The following CDH11 variants were observed in gnomAD, a reference collection of about 807,000 sequenced individuals.
CDH11 encodes the protein cadherin-11.
Under a neutral mutation model 67.8 loss-of-function variants are expected in CDH11, and 11 were observed. That is an observed-to-expected ratio of 0.16 (90% CI 0.10 to 0.27). CDH11 has a LOEUF of 0.27. Among genes scored for constraint, CDH11 ranks in the 10% least tolerant of loss-of-function variants. The pLI is 1.00. For missense variants in CDH11, 847 were observed against 1,031.2 expected (o/e 0.82, Z 2.45); for synonymous variants, 419 against 400.0 (o/e 1.05, Z -0.57).
intron 2 of CDH11, among the ~76,000 whole-genome samples, chr16:65,040,359 G>A (rs2073842834): frequency 6.6e-6 from 1 of 152,150 alleles, no homozygotes; most frequent in African/African-American, 2.4e-5. Flanking sequence ...TATACACCAT[G>A]GAATACTATG....
intron 1 of CDH11, among the ~76,000 whole-genome samples, chr16:65,116,755 TAGAG>T (rs71828602): frequency 0.22 from 32,382 of 150,106 alleles, 3,761 homozygotes; most frequent in Middle Eastern, 0.32. Flanking sequence ...TTAATAAGGA[TAGAG>T]AGAGAGAGAG....
intron 2 of CDH11, among the ~76,000 whole-genome samples, chr16:65,013,334 T>C (rs190624732): frequency 6.6e-6 from 1 of 152,292 alleles, no homozygotes; most frequent in East Asian, 1.9e-4. Context: ...TCGGAATTTC[T>C]AGTCGGGGTT....
At chr16:65,106,877 T>C (rs1428953192) in intron 1 of CDH11, among the ~76,000 whole-genome samples, 1 of 151,768 alleles carries the variant, frequency 6.6e-6, no homozygotes, top group Non-Finnish European at 1.5e-5. Context: ...ACATAACACT[T>C]GGTGTCATCC....
chr16:64,949,867 C>T (rs980636982), intron 12 of CDH11, among the ~76,000 whole-genome samples: 5 of 152,190 alleles, frequency 3.3e-5, no homozygotes, highest in Non-Finnish European at 4.4e-5. Flanking sequence ...GACTTCTTCT[C>T]TTTATCCCCC....
At chr16:65,040,671 C>T (rs535933014) in intron 2 of CDH11, among the ~76,000 whole-genome samples, 334 of 152,214 alleles carry the variant, frequency 2.2e-3, no homozygotes, top group Admixed American at 7.1e-3. Flanking sequence ...CAAACCTGCA[C>T]GTTGTGCACA....
rs1214201959 is a variant in CDH11, at chr16:65,121,507, T to A, written c.-298+373A>T. Among the ~76,000 whole-genome samples the A allele has an allele frequency of 1.3e-5, 2 of 152,036 alleles. No homozygotes were observed. The highest frequency in any genetic ancestry group is 2.9e-5 in the Non-Finnish European group (2 of 68,002). On this transcript the variant is annotated intron_variant, in intron 1 of 12. Coordinates refer to ENST00000268603, the MANE Select transcript of CDH11 (RefSeq NM_001797.4). The surrounding 1 kb of genome is among the most constrained non-coding windows in gnomAD (Gnocchi z 4.1). ...CCGTGGGCGACTTTCCCCAGAGATA[T>A]GACCGGGGACAGTCGGCGTGTCCGG...
chr16:65,000,584 G>C (rs1011336895), intron 3 of CDH11, among the ~76,000 whole-genome samples: 1 of 152,106 alleles, frequency 6.6e-6, no homozygotes, highest in East Asian at 1.9e-4. Context: ...ATCACTTGAG[G>C]TCGGGGGTTC....
chr16:65,013,089 A>G (rs2073215706), intron 2 of CDH11, among the ~76,000 whole-genome samples: 1 of 152,158 alleles, frequency 6.6e-6, no homozygotes, highest in African/African-American at 2.4e-5. Context: ...GGGGCTTGTG[A>G]GTCTGTGCTG....
chr16:65,019,627 T>A (rs1305771755), intron 2 of CDH11, among the ~76,000 whole-genome samples: 1 of 152,168 alleles, frequency 6.6e-6, no homozygotes, highest in African/African-American at 2.4e-5. Context: ...AAACCTTTTA[T>A]AACACTTATT....
At chr16:64,964,214 C>T (rs1469264085) in intron 11 of CDH11, among the ~76,000 whole-genome samples, 1 of 152,166 alleles carries the variant, frequency 6.6e-6, no homozygotes, top group Non-Finnish European at 1.5e-5. Flanking sequence ...AGATTTCCTC[C>T]TGTAAACGTA....
intron 4 of CDH11, 160 bp downstream of exon 4, chr16:64,998,402 C>G: frequency 2.9e-6 from 2 of 695,988 alleles, no homozygotes; most frequent in Non-Finnish European, 4.9e-6. Flanking sequence ...TTGTTATTCC[C>G]ATTTTACAGA....
At chr16:65,117,828 A>C (rs2075267057) in intron 1 of CDH11, among the ~76,000 whole-genome samples, 1 of 152,074 alleles carries the variant, frequency 6.6e-6, no homozygotes, top group South Asian at 2.1e-4. Context: ...AAAAAAATCC[A>C]GAAAATCCTC....
chr16:65,053,509 A>T (rs192714880), intron 2 of CDH11, among the ~76,000 whole-genome samples: 5 of 152,364 alleles, frequency 3.3e-5, no homozygotes, highest in Admixed American at 1.3e-4. Flanking sequence ...TGGCCTGTTC[A>T]GCCGGGTCCT....
intron 2 of CDH11, among the ~76,000 whole-genome samples, chr16:65,014,241 T>C (rs2073246397): frequency 6.6e-6 from 1 of 152,174 alleles, no homozygotes; most frequent in Admixed American, 6.5e-5. Flanking sequence ...TGAGATAAAG[T>C]AGACCAGGGT....
intron 1 of CDH11, among the ~76,000 whole-genome samples, chr16:65,086,524 G>C (rs184864939): frequency 6.6e-6 from 1 of 152,202 alleles, no homozygotes; most frequent in African/African-American, 2.4e-5. Flanking sequence ...GATTATGAAG[G>C]CACCTTCCTG....
intron 2 of CDH11, among the ~76,000 whole-genome samples, chr16:65,012,983 G>A (rs1006725772): frequency 6.6e-6 from 1 of 152,122 alleles, no homozygotes; most frequent in Non-Finnish European, 1.5e-5. Context: ...TGCAAACTTA[G>A]AAAAAATACT....
chr16:65,096,926 C>T (rs1050622830), intron 1 of CDH11, among the ~76,000 whole-genome samples: 4 of 152,060 alleles, frequency 2.6e-5, no homozygotes, highest in Non-Finnish European at 4.4e-5. Context: ...AATTTCAATT[C>T]GTTAAATAAC....
chr16:64,958,955 A>G (rs2071597612), intron 11 of CDH11, among the ~76,000 whole-genome samples: 1 of 152,090 alleles, frequency 6.6e-6, no homozygotes, highest in Non-Finnish European at 1.5e-5. Flanking sequence ...AAACAAACCA[A>G]TGTGAAGGAG....
chr16:65,113,481 T>C (rs999202581), intron 1 of CDH11, among the ~76,000 whole-genome samples: 1 of 152,138 alleles, frequency 6.6e-6, no homozygotes, highest in African/African-American at 2.4e-5. Context: ...AGTTAATGAC[T>C]GCATACATCT....
Sources: gnomAD v4.1 joint callset for allele counts (sites outside exome capture counted in the v4.1 genomes callset) on GRCh38, gnomAD v4.1.1 for gene constraint, Gnocchi (gnomAD v3.1) non-coding constraint, MANE v1.5 for transcripts, NCBI Gene and HGNC (gene_info 2026-07-23, HGNC 2026-07-21) for gene names.